Variants in NTRK3 observed in about 807,000 individuals in gnomAD.
NTRK3 encodes NT-3 growth factor receptor.
A neutral mutation model predicts 91.7 loss-of-function variants in NTRK3; 24 were observed. The ratio of observed to expected loss-of-function variants is 0.26; its 90% CI spans 0.19 to 0.37. The LOEUF (loss-of-function observed/expected upper bound fraction) is 0.37. NTRK3 is among the 10% of genes least tolerant of loss of function. NTRK3 has a pLI of 1.00. For missense variants in NTRK3, 880 were observed against 1,068.9 expected (o/e 0.82, Z 2.46); for synonymous variants, 483 against 404.0 (o/e 1.20, Z -2.34).
intron 17 of NTRK3, among the ~76,000 whole-genome samples, chr15:87,924,453 C>CCA (rs1399401426): frequency 6.6e-6 from 1 of 152,088 alleles, no homozygotes; most frequent in Non-Finnish European, 1.5e-5. Context: ...TGTTTATGAC[C>CCA]CACACCTGTG....
rs973793706 is a variant in NTRK3, at chr15:88,255,449, C to A, written c.248+457G>T. 1.3e-5 allele frequency among the ~76,000 whole-genome samples: 2 copies of A among 152,268 alleles called. No homozygotes were observed. Among genetic ancestry groups the A allele is most frequent in the Non-Finnish European group, 2.9e-5 (2 of 68,048 alleles). ...CGGCTGGATCGCGAGCAGTCCCTAT[C>A]TGTCACCTTCCCTGCCGGCTAAGCG... On this transcript the variant is annotated intron_variant, in intron 3 of 18. Coordinates refer to ENST00000394480, the Ensembl canonical transcript of NTRK3. This position sits in a 1 kb window ranked among gnomAD's most constrained non-coding sequence, Gnocchi z 4.3.
exon 19 of NTRK3, chr15:87,865,839 G>C (rs1490393678): frequency 4.4e-6 from 1 of 227,760 alleles, no homozygotes; most frequent in East Asian, 6.3e-5. Context: ...CTGTCTCCTT[G>C]TATTTTTTAG....
At chr15:87,877,352 A>G (rs1000843820) in intron 18 of NTRK3, among the ~76,000 whole-genome samples, 2 of 151,762 alleles carry the variant, frequency 1.3e-5, no homozygotes, top group African/African-American at 4.8e-5. Context: ...TTCATACTCC[A>G]CTTCTTGGGC....
At chr15:88,088,739 T>C (rs1325599842) in intron 13 of NTRK3, among the ~76,000 whole-genome samples, 1 of 152,132 alleles carries the variant, frequency 6.6e-6, no homozygotes, top group Non-Finnish European at 1.5e-5. Flanking sequence ...TGAGCTAGTA[T>C]TTATAATTCA....
chr15:88,084,521 C>T (rs751068590), intron 13 of NTRK3, among the ~76,000 whole-genome samples: 5 of 152,112 alleles, frequency 3.3e-5, no homozygotes, highest in African/African-American at 9.7e-5. Context: ...GGAAATGGCC[C>T]GAAGTCCCTG....
intron 17 of NTRK3, among the ~76,000 whole-genome samples, chr15:87,887,922 G>T (rs186900033): frequency 6.6e-6 from 1 of 152,230 alleles, no homozygotes; most frequent in East Asian, 1.9e-4. Flanking sequence ...CACTGCATAA[G>T]AAATATTAGC....
intron 3 of NTRK3, among the ~76,000 whole-genome samples, chr15:88,204,724 C>A (rs933355836): frequency 6.6e-6 from 1 of 152,254 alleles, no homozygotes; most frequent in African/African-American, 2.4e-5. Flanking sequence ...CACAGACTCT[C>A]ATTCCATACA....
At chr15:88,230,056 C>T (rs1174189898) in intron 3 of NTRK3, among the ~76,000 whole-genome samples, 1 of 152,206 alleles carries the variant, frequency 6.6e-6, no homozygotes, top group African/African-American at 2.4e-5. Flanking sequence ...GGACTCCAAT[C>T]TAGTTAGTGT....
exon 19 of NTRK3, chr15:87,876,118 A>G: frequency 4.3e-6 from 1 of 232,502 alleles, no homozygotes; most frequent in Non-Finnish European, 8.5e-6. Flanking sequence ...CAGAAAGTCC[A>G]GTTCTTTAAG....
At chr15:87,912,908 C>A (rs1306027399) in intron 17 of NTRK3, among the ~76,000 whole-genome samples, 1 of 121,006 alleles carries the variant, frequency 8.3e-6, no homozygotes, top group East Asian at 2.6e-4. Flanking sequence ...TTGGGCTGTT[C>A]AACTTTTCAA....
chr15:87,940,615 G>A lies in NTRK3; in HGVS notation c.1716+8C>T, dbSNP rs2142017144. The stretch of plus-strand genomic sequence containing the variant: ...TCCTCCTGGTGCCGGCATGCCTCTG[G>A]GGTTTACCTTCACAGCCACAAGCAT... On this transcript the variant is annotated splice_region_variant and intron_variant, in intron 15 of 18. Coordinates refer to ENST00000394480, the Ensembl canonical transcript of NTRK3. 6.2e-7 allele frequency: 1 copy of A among 1,613,492 alleles called. No individual in the cohort carries two copies. The highest frequency in any genetic ancestry group is 8.5e-7 in the Non-Finnish European group (1 of 1,180,034).
chr15:88,176,885 A>G (rs938966279), intron 5 of NTRK3, among the ~76,000 whole-genome samples: 20 of 152,240 alleles, frequency 1.3e-4, no homozygotes, highest in African/African-American at 4.8e-4. Flanking sequence ...ATTCAGCCAC[A>G]TGACGGAATA....
chr15:88,243,901 A>C lies in NTRK3; in HGVS notation c.248+12005T>G, dbSNP rs148944130. On this transcript the variant is annotated intron_variant, in intron 3 of 18. Transcript: ENST00000394480. This position sits in a 1 kb window ranked among gnomAD's most constrained non-coding sequence, Gnocchi z 4.8. ...AAACATCCCTAATAGCCATCATCAC[A>C]TGAATGCCCTCAGAAAAAAAATATC... is the stretch of plus-strand genomic sequence containing the variant. Among the ~76,000 whole-genome samples, 14 of 152,322 alleles carry C rather than the reference A, an allele frequency of 9.2e-5. No homozygotes were observed. The highest frequency in any genetic ancestry group is 1.9e-4 in the Non-Finnish European group (13 of 68,038).
At chr15:88,089,074 T>G (rs2048771538) in intron 13 of NTRK3, among the ~76,000 whole-genome samples, 1 of 148,170 alleles carries the variant, frequency 6.7e-6, no homozygotes, top group African/African-American at 2.5e-5. Context: ...CCACCAAATC[T>G]GAGGCTACCT....
rs187807485 is a variant in NTRK3 at position 87,925,990 on chromosome 15, T to C, written c.2133+3201A>G. On this transcript the variant is annotated intron_variant, in intron 17 of 18. Coordinates refer to ENST00000394480, the Ensembl canonical transcript of NTRK3. ...TACAAGCTCTTTATACAAATTAACTTGCTTAACATCAACACAACTCTGTTG... is the reference window on the plus strand; with the variant it reads ...TACAAGCTCTTTATACAAATTAACTCGCTTAACATCAACACAACTCTGTTG... Among the ~76,000 whole-genome samples the C allele has an allele frequency of 1.5e-4, 23 of 152,374 alleles. No homozygotes were observed. The East Asian group carries it at 4.1e-3, about 27-fold the overall frequency.
At chr15:88,247,386 A>G (rs1475743146) in intron 3 of NTRK3, among the ~76,000 whole-genome samples, 1 of 151,582 alleles carries the variant, frequency 6.6e-6, no homozygotes, top group African/African-American at 2.4e-5. Context: ...AAATCAATTC[A>G]CCTCTCTTGA....
chr15:87,958,276 A>C (rs2071881704), intron 14 of NTRK3, among the ~76,000 whole-genome samples: 1 of 144,836 alleles, frequency 6.9e-6, no homozygotes. Flanking sequence ...AACTCTGATG[A>C]TTTCAGGAGA....
intron 13 of NTRK3, among the ~76,000 whole-genome samples, chr15:88,057,694 C>T (rs939375369): frequency 1.3e-5 from 2 of 152,192 alleles, no homozygotes; most frequent in Non-Finnish European, 2.9e-5. Context: ...GTGCCCTGCT[C>T]TGCCCCTGGG....
intron 7 of NTRK3, 69 bp from the exon 8 acceptor site, chr15:88,136,678 G>A (rs1356015755): frequency 6.4e-7 from 1 of 1,559,116 alleles, no homozygotes; most frequent in East Asian, 2.3e-5. Flanking sequence ...TCTGTCCATG[G>A]GGCTGATGGT....
Sources: allele counts gnomAD v4.1 joint callset (sites outside exome capture counted in the v4.1 genomes callset), GRCh38; gene constraint gnomAD v4.1.1; non-coding constraint Gnocchi (gnomAD v3.1); transcripts MANE v1.5; gene names NCBI Gene and HGNC (gene_info 2026-07-23, HGNC 2026-07-21).